Variants in NCOR2 observed in about 807,000 individuals in gnomAD.
NCOR2 encodes CTG repeat protein 26.
A neutral mutation model predicts 262.9 loss-of-function variants in NCOR2; 81 were observed. That is an observed-to-expected ratio of 0.31 (90% CI 0.26 to 0.37). NCOR2 has a LOEUF of 0.37. Among genes scored for constraint, NCOR2 ranks in the 10% least tolerant of loss-of-function variants. The probability of loss-of-function intolerance (pLI) is 1.00; values close to 1 mark genes in which losing one functional copy is unlikely to be tolerated. For missense variants in NCOR2, 3,385 were observed against 3,621.4 expected (o/e 0.93, Z 1.68); for synonymous variants, 1,659 against 1,559.3 (o/e 1.06, Z -1.51).
intron 1 of NCOR2, among the ~76,000 whole-genome samples, chr12:124,492,296 T>C (rs1242122284): frequency 6.6e-6 from 1 of 152,178 alleles, no homozygotes; most frequent in Non-Finnish European, 1.5e-5. Flanking sequence ...AGGACACCGG[T>C]ACTGCAGGTG....
At chr12:124,345,197 A>C (rs909424655) in intron 31 of NCOR2, among the ~76,000 whole-genome samples, 18 of 152,012 alleles carry the variant, frequency 1.2e-4, no homozygotes, top group African/African-American at 4.4e-4. Flanking sequence ...AAGGGGTAAA[A>C]AGTTCAACAG....
intron 5 of NCOR2, among the ~76,000 whole-genome samples, chr12:124,462,863 A>G (rs767810217): frequency 2.0e-5 from 3 of 152,142 alleles, no homozygotes; most frequent in Non-Finnish European, 4.4e-5. Flanking sequence ...CACATCATAT[A>G]AACACTTTCC....
At chr12:124,402,655 G>T in intron 13 of NCOR2, 94 bp from the exon 16 acceptor site, 1 of 1,529,824 alleles carries the variant, frequency 6.5e-7, no homozygotes, top group Admixed American at 2.0e-5. Context: ...TGAGCTGGGG[G>T]AGGAGGAGGA....
At chr12:124,462,814 C>T (rs1323987020) in intron 5 of NCOR2, among the ~76,000 whole-genome samples, 1 of 152,244 alleles carries the variant, frequency 6.6e-6, no homozygotes, top group Non-Finnish European at 1.5e-5. Flanking sequence ...CTTTGCCCTG[C>T]TCAGTCCCGA....
chr12:124,447,285 A>G (rs564754843), intron 7 of NCOR2, among the ~76,000 whole-genome samples: 1 of 152,382 alleles, frequency 6.6e-6, no homozygotes, highest in Admixed American at 6.5e-5. Flanking sequence ...TGAGGCGGTT[A>G]CCTATTTAGT....
chr12:124,346,448 A>T, intron 31 of NCOR2, 116 bp downstream of exon 33: 1 of 1,136,278 alleles, frequency 8.8e-7, no homozygotes, highest in Non-Finnish European at 1.2e-6. Flanking sequence ...GGTGACTGTA[A>T]GGTACGCGAG....
intron 5 of NCOR2, among the ~76,000 whole-genome samples, chr12:124,458,113 A>C (rs2045975917): frequency 6.6e-6 from 1 of 152,206 alleles, no homozygotes; most frequent in African/African-American, 2.4e-5. Context: ...TGGGGCAGCC[A>C]CTCAGTATTT....
chr12:124,553,707 T>C (rs909578735), intron 1 of NCOR2, among the ~76,000 whole-genome samples: 3 of 152,248 alleles, frequency 2.0e-5, no homozygotes, highest in Non-Finnish European at 4.4e-5. Context: ...ACGTTTTTTT[T>C]CTGACCAGTC....
rs1458301543 is a variant in NCOR2, at chr12:124,432,050, C to A, written c.883-1263G>T. ...ACACACAGTCCATCACACAGGCAGGCAGGCAGACACACAGGCGGTCACACA... is the reference window on the plus strand; with the variant it reads ...ACACACAGTCCATCACACAGGCAGGAAGGCAGACACACAGGCGGTCACACA... On this transcript the variant is annotated intron_variant, in intron 8 of 46. Transcript: ENST00000405201. This position sits in a 1 kb window ranked among gnomAD's most constrained non-coding sequence, Gnocchi z 5.1. Among the ~76,000 whole-genome samples the A allele has an allele frequency of 1.3e-5, 2 of 151,456 alleles. No individual in the cohort carries two copies. Among genetic ancestry groups the A allele is most frequent in the East Asian group, 1.9e-4 (1 of 5,138 alleles).
chr12:124,357,856 ATGTG>A (rs1193002309), intron 22 of NCOR2, among the ~76,000 whole-genome samples: 3 of 138,990 alleles, frequency 2.2e-5, no homozygotes, highest in Admixed American at 2.2e-4. Context: ...GAGTGCATGG[ATGTG>A]TGTGTGCGCC....
chr12:124,346,532 A>G (rs2036952490), intron 31 of NCOR2, 32 bp downstream of exon 33: 1 of 1,487,432 alleles, frequency 6.7e-7, no homozygotes, highest in African/African-American at 1.4e-5. Flanking sequence ...CCCTCCTAGA[A>G]CTGGGCCCGT....
At chr12:124,367,546 T>C (rs886791068) in intron 20 of NCOR2, among the ~76,000 whole-genome samples, 2 of 152,164 alleles carry the variant, frequency 1.3e-5, no homozygotes, top group Non-Finnish European at 2.9e-5. Flanking sequence ...CCTTGTCCCG[T>C]AGCCATGCTG....
At chr12:124,368,614 C>A (rs868045300) in intron 20 of NCOR2, among the ~76,000 whole-genome samples, 1 of 152,240 alleles carries the variant, frequency 6.6e-6, no homozygotes, top group Non-Finnish European at 1.5e-5. Context: ...ACTGGACATA[C>A]GCTCATGCGG....
At chr12:124,458,353 C>T (rs529036295) in intron 5 of NCOR2, among the ~76,000 whole-genome samples, 1 of 152,358 alleles carries the variant, frequency 6.6e-6, no homozygotes, top group African/African-American at 2.4e-5. Flanking sequence ...ATCACTCCCC[C>T]TCCCCAGCCC....
At chr12:124,366,689 C>G (rs1182504267) in intron 20 of NCOR2, among the ~76,000 whole-genome samples, 1 of 151,794 alleles carries the variant, frequency 6.6e-6, no homozygotes, top group Non-Finnish European at 1.5e-5. Context: ...GCATTTTTTT[C>G]TTTTTTGTGG....
At chr12:124,395,455 A>C (rs2041592285) in intron 16 of NCOR2, among the ~76,000 whole-genome samples, 2 of 152,132 alleles carry the variant, frequency 1.3e-5, no homozygotes. Flanking sequence ...CATTATTACA[A>C]ATGTCACTGA....
At chr12:124,474,448 G>A (rs1372749914) in intron 3 of NCOR2, among the ~76,000 whole-genome samples, 1 of 152,100 alleles carries the variant, frequency 6.6e-6, no homozygotes, top group African/African-American at 2.4e-5. Flanking sequence ...AACAAAGGAA[G>A]CCTGCATTCA....
At chr12:124,374,286 C>T in intron 19 of NCOR2, 127 bp downstream of exon 21, 1 of 956,988 alleles carries the variant, frequency 1.0e-6, no homozygotes, top group African/African-American at 1.6e-5. Context: ...GGCCGCGGAG[C>T]ACAAACGGTG....
Position 124,517,932 on chromosome 12 carries a change from C to T in NCOR2, c.-118+17633G>A, listed in dbSNP as rs1038622960. Among the ~76,000 whole-genome samples the T allele has an allele frequency of 2.6e-5, 4 of 152,182 alleles. No individual in the cohort carries two copies. Among genetic ancestry groups the T allele is most frequent in the African/African-American group, 7.2e-5 (3 of 41,452 alleles). On this transcript the variant is annotated intron_variant, in intron 1 of 46. Coordinates refer to the NCOR2 transcript ENST00000404621. This position sits in a 1 kb window ranked among gnomAD's most constrained non-coding sequence, Gnocchi z 7.6. ...CTGCCCCCATTGGCTGACCTGCGGC[C>T]GGCCACTCAGCCCCCAGCCCTGGCC...
Sources: allele counts gnomAD v4.1 joint callset (sites outside exome capture counted in the v4.1 genomes callset), GRCh38; gene constraint gnomAD v4.1.1; non-coding constraint Gnocchi (gnomAD v3.1); transcripts MANE v1.5; gene names NCBI Gene and HGNC (gene_info 2026-07-23, HGNC 2026-07-21).